Variants in CWC25 observed in about 807,000 individuals in gnomAD.
CWC25 encodes pre-mRNA-splicing factor CWC25 homolog.
CWC25 carries 31 observed loss-of-function variants against 54.6 expected under a neutral mutation model. The observed-to-expected ratio is 0.57, with a 90% CI of 0.43 to 0.77. CWC25 has a LOEUF of 0.77. Among genes scored for constraint, CWC25 ranks in the 30% least tolerant of loss-of-function variants. The probability of loss-of-function intolerance (pLI) is 0.00; values close to 1 mark genes in which losing one functional copy is unlikely to be tolerated. For synonymous variants in CWC25, 151 were observed against 187.0 expected (o/e 0.81, Z 1.57); for missense variants, 453 against 529.3 (o/e 0.86, Z 1.41).
At position 38,825,261 on chromosome 17, in the gene CWC25, G is replaced by A; in HGVS notation, c.-78C>T. ...AAGAGAAAACGTAGAGAAATAGTTC[G>A]GGGGCTACCTCGCGGGATCTAGTCC... On this transcript the variant is annotated 5_prime_UTR_variant, in exon 1 of 10. Transcript: ENST00000614790. 1 of 1,469,826 alleles carries A rather than the reference G, an allele frequency of 6.8e-7. No individual in the cohort carries two copies. Among genetic ancestry groups the A allele is most frequent in the Non-Finnish European group, 9.2e-7 (1 of 1,085,062 alleles). The allele number at this position is 1,469,826 out of a possible 1,614,324, so 91.0% of individuals were successfully genotyped here.
intron 5 of CWC25, among the ~76,000 whole-genome samples, chr17:38,810,052 G>T (rs376565350): frequency 6.6e-6 from 1 of 151,972 alleles, no homozygotes; most frequent in Non-Finnish European, 1.5e-5. Context: ...ACTCAGCAGC[G>T]GCGGAGCTGA....
intron 8 of CWC25, among the ~76,000 whole-genome samples, chr17:38,804,315 G>A (rs1185595351): frequency 6.6e-6 from 1 of 152,082 alleles, no homozygotes; most frequent in African/African-American, 2.4e-5. Context: ...AGAAACATGG[G>A]ACTAGGAGTG....
rs1910975956 is a variant in CWC25, at chr17:38,800,760, G to A, written c.*1332C>T. ...GAAGGGAAAAGGAGTAAAGACAGGA[G>A]AGTGGCCCCTCGAGGGTTTTGTTTT... is the stretch of plus-strand genomic sequence containing the variant. On this transcript the variant is annotated 3_prime_UTR_variant, in exon 10 of 10. Transcript: ENST00000614790. 1 of 152,174 alleles carries A rather than the reference G, an allele frequency of 6.6e-6. No individual in the cohort carries two copies. The highest frequency in any genetic ancestry group is 2.4e-5 in the African/African-American group (1 of 41,418). 9.4% of individuals were successfully genotyped at this position (152,174 alleles called of 1,614,324 possible).
intron 1 of CWC25, among the ~76,000 whole-genome samples, chr17:38,824,617 G>A (rs1912066311): frequency 6.6e-6 from 1 of 150,914 alleles, no homozygotes; most frequent in South Asian, 2.1e-4. Context: ...ACCCAGGAGG[G>A]AAAGGTTGCG....
intron 7 of CWC25, 55 bp from the exon 8 acceptor site, chr17:38,806,450 C>T: frequency 7.2e-7 from 1 of 1,389,512 alleles, no homozygotes; most frequent in Non-Finnish European, 1.0e-6. Context: ...CAGGGGCTTA[C>T]ACTGAATCCC....
chr17:38,805,835 CAA>C (rs1027293696), intron 8 of CWC25, among the ~76,000 whole-genome samples: 1 of 149,758 alleles, frequency 6.7e-6, no homozygotes, highest in African/African-American at 2.5e-5. Flanking sequence ...TTTTTTGAGA[CAA>C]AGTCTTGCAC....
chr17:38,804,716 G>A (rs1911159159), intron 8 of CWC25, among the ~76,000 whole-genome samples: 1 of 150,966 alleles, frequency 6.6e-6, no homozygotes, highest in African/African-American at 2.4e-5. Context: ...GCTGAGGCAG[G>A]AGAATCGCTG....
chr17:38,814,001 A>G (rs553893441), intron 3 of CWC25, among the ~76,000 whole-genome samples: 1 of 152,066 alleles, frequency 6.6e-6, no homozygotes, highest in East Asian at 2.0e-4. Flanking sequence ...AGCTGGGACT[A>G]TAGGCGCCTG....
intron 2 of CWC25, among the ~76,000 whole-genome samples, chr17:38,819,222 C>T (rs1911825777): frequency 2.0e-5 from 3 of 149,392 alleles, no homozygotes; most frequent in Admixed American, 6.7e-5. Flanking sequence ...TTTTTTGAGA[C>T]GAAGTCTTAC....
chr17:38,813,307 AC>A (rs1302138822), intron 3 of CWC25, among the ~76,000 whole-genome samples: 1 of 149,968 alleles, frequency 6.7e-6, no homozygotes, highest in African/African-American at 2.4e-5. Flanking sequence ...ACCAAAAAAA[AC>A]AAAACAAAAA....
At chr17:38,815,768 C>T in intron 2 of CWC25, 2 of 916,834 alleles carry the variant, frequency 2.2e-6, no homozygotes, top group Non-Finnish European at 2.9e-6. Flanking sequence ...GCACATTCTA[C>T]ATCACCATCT....
intron 6 of CWC25, among the ~76,000 whole-genome samples, chr17:38,808,773 C>T (rs1911359016): frequency 6.6e-6 from 1 of 151,528 alleles, no homozygotes; most frequent in African/African-American, 2.4e-5. Context: ...ATGGAGAAAC[C>T]CTGTCTCTAC....
intron 7 of CWC25, 59 bp from the exon 8 acceptor site, chr17:38,806,454 G>GA (rs908363753): frequency 7.3e-6 from 10 of 1,369,916 alleles, no homozygotes; most frequent in Middle Eastern, 1.8e-4. Context: ...GGCTTACACT[G>GA]AATCCCTCAA....
At chr17:38,822,710 T>C (rs1347379085) in intron 1 of CWC25, among the ~76,000 whole-genome samples, 3 of 151,964 alleles carry the variant, frequency 2.0e-5, no homozygotes, top group African/African-American at 4.8e-5. Context: ...AGAAAGAACA[T>C]AGCAATAATT....
intron 2 of CWC25, among the ~76,000 whole-genome samples, chr17:38,820,594 G>C (rs543755393): frequency 6.6e-6 from 1 of 152,100 alleles, no homozygotes. Context: ...CCTCCATCAC[G>C]GTTATCAGCC....
rs922142579 is a variant in CWC25 at position 38,815,033 on chromosome 17, A to C, written c.256T>G (p.Tyr86Asp). 1 of 1,613,840 alleles carries C rather than the reference A, an allele frequency of 6.2e-7. No homozygotes were observed. The highest frequency in any genetic ancestry group is 8.5e-7 in the Non-Finnish European group (1 of 1,179,880). ...TTGTCAATGGGGCGCCCCAGCAGGT[A>C]CTCGTCACGGTTCACCATCCCACCA... is the stretch of plus-strand genomic sequence containing the variant. ...GPGGMVNRDE[Y>D]LLGRPIDKYV... Residue 86 changes from tyrosine (Y) to aspartate (D), a missense_variant, in exon 3 of 10, where the codon TAC (tyrosine) becomes GAC (aspartate). This residue lies in a region of CWC25 where 444 missense variants were observed against 499.2 expected (regional missense o/e 0.89). Coordinates refer to ENST00000614790, the MANE Select transcript of CWC25 (RefSeq NM_017748.5).
rs1240181980 is a variant in CWC25, at chr17:38,810,615, C to T, written c.499-20G>A. On this transcript the variant is annotated intron_variant, in intron 4 of 9. Coordinates refer to ENST00000614790, the MANE Select transcript of CWC25 (RefSeq NM_017748.5). Reference sequence around the variant, plus strand: ...TTGCAACTGGAAAATGCCGAGAACACAAGCACACAAGATTACTGAGACCAG... The same window carrying T: ...TTGCAACTGGAAAATGCCGAGAACATAAGCACACAAGATTACTGAGACCAG... 5.8e-6 allele frequency: 7 copies of T among 1,198,956 alleles called. No homozygotes were observed. The highest frequency in any genetic ancestry group is 7.3e-6 in the Non-Finnish European group (6 of 825,876). 74.3% of individuals were successfully genotyped at this position (1,198,956 alleles called of 1,614,324 possible).
chr17:38,802,527 C>T (rs1911066683), intron 9 of CWC25, among the ~76,000 whole-genome samples, 173 bp downstream of exon 9: 1 of 152,208 alleles, frequency 6.6e-6, no homozygotes, highest in Non-Finnish European at 1.5e-5. Flanking sequence ...CTTCTCCTCC[C>T]CTCAAATGAA....
chr17:38,819,852 AAT>A (rs1223889929), intron 2 of CWC25, among the ~76,000 whole-genome samples: 1 of 151,704 alleles, frequency 6.6e-6, no homozygotes, highest in Non-Finnish European at 1.5e-5. Context: ...TTTGTATTTT[AAT>A]AGAGACAGGG....
Sources: allele counts gnomAD v4.1 joint callset (sites outside exome capture counted in the v4.1 genomes callset), GRCh38; gene constraint gnomAD v4.1.1; regional missense constraint gnomAD v4.1.1; transcripts MANE v1.5; gene names NCBI Gene and HGNC (gene_info 2026-07-23, HGNC 2026-07-21).